Variants in ZNF700 observed in about 807,000 individuals in gnomAD.
ZNF700 encodes zinc finger protein 700.
ZNF700 carries 38 observed loss-of-function variants against 65.3 expected under a neutral mutation model. The ratio of observed to expected loss-of-function variants is 0.58; its 90% CI spans 0.45 to 0.76. The LOEUF is 0.76. Ranked by LOEUF, ZNF700 falls within the 30% of genes least tolerant of loss-of-function variation. ZNF700 has a pLI of 0.00. For synonymous variants in ZNF700, 285 were observed against 290.4 expected (o/e 0.98, Z 0.19); for missense variants, 857 against 888.4 (o/e 0.96, Z 0.45).
chr19:11,939,414 G>A (rs1599286967), intron 1 of ZNF700, among the ~76,000 whole-genome samples: 1 of 152,286 alleles, frequency 6.6e-6, no homozygotes, highest in Admixed American at 6.5e-5. Context: ...AAGGCGTAAG[G>A]AAGGGATCCA....
At chr19:11,941,423 G>C (rs1972881785) in intron 1 of ZNF700, among the ~76,000 whole-genome samples, 1 of 152,236 alleles carries the variant, frequency 6.6e-6, no homozygotes, top group Admixed American at 6.5e-5. Context: ...ATGGGCTGCA[G>C]GTCCCGAGCC....
At chr19:11,941,871 C>T (rs1355186144) in intron 1 of ZNF700, among the ~76,000 whole-genome samples, 1 of 152,230 alleles carries the variant, frequency 6.6e-6, no homozygotes, top group African/African-American at 2.4e-5. Flanking sequence ...TATGTATATA[C>T]TTACCACATT....
In ZNF700 at chr19:11,947,188, T is replaced by C; in HGVS notation, c.71T>C (p.Val24Ala). 1 of 1,613,818 alleles carries C rather than the reference T, an allele frequency of 6.2e-7. No individual in the cohort carries two copies. Among genetic ancestry groups the C allele is most frequent in the Non-Finnish European group, 8.5e-7 (1 of 1,179,936 alleles). The change falls in exon 2 of 4, where the codon GTG becomes GCG. Residue 24 changes from valine to alanine, a missense_variant. This residue lies in a region of ZNF700 where 603 missense variants were observed against 619.9 expected (regional missense o/e 0.97). Transcript: ENST00000254321. The stretch of plus-strand genomic sequence containing the variant: ...ACATGTGAGATGTTTCAGGACCCAG[T>C]GGCCTTTGAGGATGTGGCTGTGAAC... ...GTSESREMDP[V>A]AFEDVAVNFT...
intron 1 of ZNF700, among the ~76,000 whole-genome samples, chr19:11,931,059 T>A (rs1189221406): frequency 6.7e-6 from 1 of 148,172 alleles, no homozygotes; most frequent in Non-Finnish European, 1.5e-5. Flanking sequence ...TCCATTGGTC[T>A]ATCTTTCCAT....
intron 1 of ZNF700, among the ~76,000 whole-genome samples, chr19:11,937,483 T>C (rs935113090): frequency 6.8e-6 from 1 of 147,330 alleles, no homozygotes; most frequent in African/African-American, 2.6e-5. Context: ...TTTTCTTTTT[T>C]TCTTTCCTTT....
chr19:11,927,753 T>C (rs1383015501), intron 1 of ZNF700, among the ~76,000 whole-genome samples: 2 of 152,232 alleles, frequency 1.3e-5, no homozygotes, highest in Admixed American at 6.5e-5. Flanking sequence ...CAGGACATTC[T>C]ATTGTTGTGG....
At chr19:11,934,503 TTTTTTTTC>T (rs1259618984) in intron 1 of ZNF700, among the ~76,000 whole-genome samples, 1 of 147,904 alleles carries the variant, frequency 6.8e-6, no homozygotes, top group Non-Finnish European at 1.5e-5. Flanking sequence ...CATTGTTTTC[TTTTTTTTC>T]TTTTTTTCTT....
chr19:11,945,538 G>A (rs1293862653), intron 1 of ZNF700, among the ~76,000 whole-genome samples: 3 of 152,084 alleles, frequency 2.0e-5, no homozygotes, highest in Non-Finnish European at 4.4e-5. Context: ...CTTCTCTAGG[G>A]AACCGGGTAC....
rs1028489524 is a variant in ZNF700, at chr19:11,925,134, G to A, written c.-77G>A. 9.1e-5 allele frequency: 143 copies of A among 1,566,342 alleles called. 3 individuals carry two copies. The South Asian group carries it at 1.5e-3, about 17-fold the overall frequency. ...TCACCTTCCTCGCTGCGCGGGCGGC[G>A]GTTGGTAACCGGTCAGACCAGCCCG... On this transcript the variant is annotated 5_prime_UTR_variant, in exon 1 of 4. Coordinates refer to ENST00000254321, the MANE Select transcript of ZNF700 (RefSeq NM_144566.3).
chr19:11,927,593 T>C (rs183135643), intron 1 of ZNF700, among the ~76,000 whole-genome samples: 9 of 152,318 alleles, frequency 5.9e-5, no homozygotes, highest in Admixed American at 3.9e-4. Context: ...ATAAACTACC[T>C]GTGCCTATGT....
At chr19:11,938,129 C>T (rs1414873024) in intron 1 of ZNF700, among the ~76,000 whole-genome samples, 2 of 151,908 alleles carry the variant, frequency 1.3e-5, no homozygotes, top group Non-Finnish European at 2.9e-5. Context: ...AGTGCAGTGG[C>T]ATGATCTTGG....
rs1973047112 is a variant in ZNF700, at chr19:11,950,303, A to G, written c.*50A>G. ...TAGACTCACACTGGAAGGAAGCACT[A>G]TGAATGCAAGCAATGTGGCAAAACT... On this transcript the variant is annotated 3_prime_UTR_variant, in exon 4 of 4. Transcript: ENST00000254321. 2.6e-6 allele frequency: 4 copies of G among 1,562,546 alleles called. No individual in the cohort carries two copies. Among genetic ancestry groups the G allele is most frequent in the Non-Finnish European group, 3.5e-6 (4 of 1,153,044 alleles).
intron 1 of ZNF700, among the ~76,000 whole-genome samples, chr19:11,939,664 T>C (rs1351067416): frequency 1.3e-5 from 2 of 152,194 alleles, no homozygotes; most frequent in Admixed American, 6.5e-5. Context: ...TTCCACCACG[T>C]TGGCCAGGCA....
At chr19:11,934,707 A>G (rs1599282275) in intron 1 of ZNF700, among the ~76,000 whole-genome samples, 1 of 147,342 alleles carries the variant, frequency 6.8e-6, no homozygotes, top group East Asian at 2.0e-4. Flanking sequence ...TTGTATTATT[A>G]GTAGAGATGA....
In ZNF700 at chr19:11,949,702, G is replaced by A. The variant is rs1973029764; in HGVS notation, c.1678G>A (p.Gly560Arg). ...TCGATATCATGAAAGGACTCACACT[G>A]GAGAGAAACCCTATGAGTGTAAGCA... is the stretch of plus-strand genomic sequence containing the variant. The part of the protein sequence containing the change: ...SLRYHERTHT[G>R]EKPYECKQCG... Residue 560 changes from glycine (G) to arginine (R), a missense_variant, in exon 4 of 4, where the codon GGA (glycine) becomes AGA (arginine). By Grantham distance (125) the Gly-to-Arg change is moderately radical (BLOSUM62 -2). Coordinates refer to ENST00000254321, the MANE Select transcript of ZNF700 (RefSeq NM_144566.3). The A allele has an allele frequency of 6.2e-7, 1 of 1,613,766 alleles. No homozygotes were observed. Among genetic ancestry groups the A allele is most frequent in the Admixed American group, 1.7e-5 (1 of 59,978 alleles).
At position 11,940,220 on chromosome 19, in the gene ZNF700, G is replaced by A. The variant is rs529049976; in HGVS notation, c.64-6961G>A. Among the ~76,000 whole-genome samples the A allele has an allele frequency of 1.6e-4, 24 of 152,324 alleles. No homozygotes were observed. In the South Asian group the frequency reaches 4.6e-3, roughly 29 times the overall value. ...GCTGGGCTTATAGGCATGAGCCACA[G>A]TGCCCGGCCAAGATGTTATTTTCTA... On this transcript the variant is annotated intron_variant, in intron 1 of 3. Coordinates refer to ENST00000254321, the MANE Select transcript of ZNF700 (RefSeq NM_144566.3).
chr19:11,943,913 G>A (rs751316827), intron 1 of ZNF700, among the ~76,000 whole-genome samples: 1 of 152,150 alleles, frequency 6.6e-6, no homozygotes, highest in African/African-American at 2.4e-5. Context: ...GTCTTTTTCA[G>A]AGTCACTTTG....
rs766928900 is a variant in ZNF700, at chr19:11,950,103, A to G, written c.2079A>G (p.Ile693Met). The change falls in exon 4 of 4, where the codon ATA (isoleucine) becomes ATG (methionine). Residue 693 changes from isoleucine to methionine, a missense_variant. Ile to Met is a conservative substitution (Grantham distance 10). Around this residue, in one of 3 missense-constraint regions of ZNF700, gnomAD observed 251 missense variants for 250.3 expected, o/e 1.00. Coordinates refer to ENST00000254321, the MANE Select transcript of ZNF700 (RefSeq NM_144566.3). ...TCACATCTGCCAAGATTCTTCAAAT[A>G]CATGCAAGAACACACATTGGAGAGA... is the stretch of plus-strand genomic sequence containing the variant. Reference protein sequence around the residue: ...NGFTSAKILQIHARTHIGEKH... With the variant: ...NGFTSAKILQMHARTHIGEKH... 6.2e-7 allele frequency: 1 copy of G among 1,614,196 alleles called. No individual in the cohort carries two copies.
At chr19:11,927,461 A>G (rs766627234) in intron 1 of ZNF700, among the ~76,000 whole-genome samples, 2 of 149,572 alleles carry the variant, frequency 1.3e-5, no homozygotes, top group African/African-American at 2.5e-5. Flanking sequence ...TAAATAAATA[A>G]ATAGAAAAGG....
Sources: gnomAD v4.1 joint callset for allele counts (sites outside exome capture counted in the v4.1 genomes callset) on GRCh38, gnomAD v4.1.1 for gene constraint, gnomAD v4.1.1 regional missense constraint, MANE v1.5 for transcripts, NCBI Gene and HGNC (gene_info 2026-07-23, HGNC 2026-07-21) for gene names.